The following SGCD variants were observed in gnomAD, a reference collection of about 807,000 sequenced individuals.
SGCD encodes delta-sarcoglycan.
Under a neutral mutation model 36.6 loss-of-function variants are expected in SGCD, and 18 were observed. The observed-to-expected ratio is 0.49, with a 90% CI of 0.34 to 0.73. The LOEUF is 0.73. SGCD is among the 30% of genes least tolerant of loss of function. The pLI is 0.01. For synonymous variants in SGCD, 133 were observed against 130.6 expected, an observed-to-expected ratio of 1.02 and a Z score of -0.12; for missense variants, 387 against 346.7, an observed-to-expected ratio of 1.12 and a Z score of -0.92.
At chr5:156,183,080 GAC>G (rs1378237419) in intron 3 of SGCD, among the ~76,000 whole-genome samples, 9 of 152,266 alleles carry the variant, frequency 5.9e-5, no homozygotes, top group African/African-American at 2.2e-4. Flanking sequence ...AGGAGTTCAA[GAC>G]CAGCCTGGCC....
chr5:156,432,056 C>T (rs879529911), intron 3 of SGCD, among the ~76,000 whole-genome samples: 5 of 152,268 alleles, frequency 3.3e-5, no homozygotes, highest in Admixed American at 6.5e-5. Context: ...TCTAGCCACC[C>T]GTGGGACTAC....
chr5:156,213,975 A>G (rs1764513408), intron 3 of SGCD, among the ~76,000 whole-genome samples: 1 of 152,036 alleles, frequency 6.6e-6, no homozygotes, highest in South Asian at 2.1e-4. Context: ...AAGGTTGTGC[A>G]TGACAAACTG....
chr5:156,546,171 A>T (rs1323370706), intron 4 of SGCD, among the ~76,000 whole-genome samples: 1 of 152,226 alleles, frequency 6.6e-6, no homozygotes, highest in Non-Finnish European at 1.5e-5. Flanking sequence ...AATTAAGTTG[A>T]CCATGGAACA....
intron 3 of SGCD, among the ~76,000 whole-genome samples, chr5:156,321,440 T>C (rs866305612): frequency 4.6e-5 from 5 of 107,718 alleles, no homozygotes; most frequent in Non-Finnish European, 1.0e-4. Flanking sequence ...AACAAATAAA[T>C]AAATAAATAA....
chr5:156,726,621 T>C (rs1026210934), intron 7 of SGCD, among the ~76,000 whole-genome samples: 4 of 152,224 alleles, frequency 2.6e-5, no homozygotes, highest in African/African-American at 9.6e-5. Context: ...CTCTTTATGC[T>C]CCTTCAGCCT....
chr5:156,081,513 C>T (rs747666344), intron 1 of SGCD, among the ~76,000 whole-genome samples: 1 of 152,156 alleles, frequency 6.6e-6, no homozygotes, highest in Non-Finnish European at 1.5e-5. Context: ...CCTGCCTCAG[C>T]CTCCTGAGTA....
At chr5:156,519,444 G>C (rs1394865652) in intron 4 of SGCD, among the ~76,000 whole-genome samples, 1 of 152,154 alleles carries the variant, frequency 6.6e-6, no homozygotes, top group Non-Finnish European at 1.5e-5. Context: ...GAGGTACAAA[G>C]AGAAGCTGGT....
chr5:156,466,711 A>T (rs1264610165), intron 3 of SGCD, among the ~76,000 whole-genome samples: 1 of 152,178 alleles, frequency 6.6e-6, no homozygotes, highest in Non-Finnish European at 1.5e-5. Flanking sequence ...AGAAGGATTG[A>T]CTTCTCCATT....
intron 8 of SGCD, among the ~76,000 whole-genome samples, chr5:156,758,647 A>C (rs1757425625): frequency 6.6e-6 from 1 of 152,176 alleles, no homozygotes; most frequent in African/African-American, 2.4e-5. Flanking sequence ...TAGCTATCAG[A>C]ATTTGAACTC....
At chr5:156,706,861 A>C (rs1350915691) in intron 7 of SGCD, among the ~76,000 whole-genome samples, 2 of 152,146 alleles carry the variant, frequency 1.3e-5, no homozygotes, top group Non-Finnish European at 2.9e-5. Context: ...TCTTCCACTG[A>C]TCTTTCAGAA....
At chr5:155,890,677 T>TAGACAGAC (rs138886775) in intron 1 of SGCD, among the ~76,000 whole-genome samples, 3 of 150,566 alleles carry the variant, frequency 2.0e-5, no homozygotes, top group Non-Finnish European at 4.4e-5. Flanking sequence ...GATAGATAGA[T>TAGACAGAC]AGACAGATAG....
chr5:156,055,148 A>AT lies in SGCD; in HGVS notation c.-281-62719dup, dbSNP rs58381697. ...TAGCAGTGCCAGCTTCCAGTTTTCT[A>AT]TTTTTTTTTTTCCCCATAGAAGAAT... On this transcript the variant is annotated intron_variant, in intron 1 of 9. Coordinates refer to the SGCD transcript ENST00000517913. Among the ~76,000 whole-genome samples, 391 of 136,488 alleles carry AT rather than the reference A, an allele frequency of 2.9e-3. 21 individuals carry two copies. Among genetic ancestry groups the AT allele is most frequent in the African/African-American group, 7.9e-3 (312 of 39,306 alleles). 89.5% of individuals were successfully genotyped at this position (136,488 alleles called of 152,430 possible).
At chr5:156,096,178 C>T (rs373213921) in intron 1 of SGCD, among the ~76,000 whole-genome samples, 1 of 152,206 alleles carries the variant, frequency 6.6e-6, no homozygotes, top group African/African-American at 2.4e-5. Context: ...TTGCCCTGTC[C>T]AGTAACATGG....
chr5:156,287,371 A>G (rs1210452465), intron 3 of SGCD, among the ~76,000 whole-genome samples: 1 of 152,120 alleles, frequency 6.6e-6, no homozygotes, highest in East Asian at 1.9e-4. Context: ...AGAGGGTGGT[A>G]AGAAGGTTTA....
chr5:156,469,376 G>C (rs947470103), intron 3 of SGCD, among the ~76,000 whole-genome samples: 1 of 152,278 alleles, frequency 6.6e-6, no homozygotes, highest in African/African-American at 2.4e-5. Flanking sequence ...TGCTTATTAT[G>C]ATAATCCAAG....
At chr5:155,865,992 T>C (rs1755516662), upstream of SGCD, among the ~76,000 whole-genome samples, 1 of 152,152 alleles carries the variant, frequency 6.6e-6, no homozygotes, top group African/African-American at 2.4e-5. Flanking sequence ...TCAGGTAAAA[T>C]TGGTACCTTT....
At chr5:156,267,780 C>A (rs1215638959) in intron 3 of SGCD, among the ~76,000 whole-genome samples, 1 of 152,198 alleles carries the variant, frequency 6.6e-6, no homozygotes, top group Non-Finnish European at 1.5e-5. Flanking sequence ...TTTCCATCTA[C>A]ACAATTTGAC....
At chr5:156,451,888 T>A (rs1004247816) in intron 3 of SGCD, among the ~76,000 whole-genome samples, 3 of 152,206 alleles carry the variant, frequency 2.0e-5, no homozygotes, top group Non-Finnish European at 4.4e-5. Flanking sequence ...TGTTGAGCTG[T>A]CGTTCTGTGC....
chr5:156,085,848 T>A (rs1761077957), intron 1 of SGCD, among the ~76,000 whole-genome samples: 1 of 152,170 alleles, frequency 6.6e-6, no homozygotes, highest in Non-Finnish European at 1.5e-5. Context: ...TTGCTTGTGG[T>A]GTTGGAAAAT....
Sources: allele counts gnomAD v4.1 joint callset (sites outside exome capture counted in the v4.1 genomes callset), GRCh38; gene constraint gnomAD v4.1.1; transcripts MANE v1.5; gene names NCBI Gene and HGNC (gene_info 2026-07-23, HGNC 2026-07-21).